The following TENM2 variants were observed in gnomAD, a reference collection of about 807,000 sequenced individuals.
The protein encoded by TENM2 is teneurin transmembrane protein 2.
TENM2 carries 52 observed loss-of-function variants against 245.2 expected under a neutral mutation model. That is an observed-to-expected ratio of 0.21 (90% CI 0.17 to 0.27). The LOEUF (loss-of-function observed/expected upper bound fraction) is 0.27, where lower values mean the gene tolerates loss of function less well. TENM2 is among the 10% of genes least tolerant of loss of function. The pLI, the probability that TENM2 is intolerant of heterozygous loss-of-function variation, is 1.00. For synonymous variants in TENM2, 1,363 were observed against 1,438.9 expected (o/e 0.95, Z 1.19); for missense variants, 3,046 against 3,666.8 (o/e 0.83, Z 4.37).
At chr5:167,577,518 T>C (rs1410199264) in intron 2 of TENM2, among the ~76,000 whole-genome samples, 1 of 152,180 alleles carries the variant, frequency 6.6e-6, no homozygotes, top group Non-Finnish European at 1.5e-5. Context: ...CTACTTCTAT[T>C]TTGTAATTAA....
intron 2 of TENM2, among the ~76,000 whole-genome samples, chr5:167,854,589 A>G (rs911651174): frequency 2.6e-5 from 4 of 152,174 alleles, no homozygotes; most frequent in Admixed American, 6.5e-5. Flanking sequence ...TGTGAACACA[A>G]CCATAATTTG....
At chr5:167,139,176 G>T in the TENM2 span, among the ~76,000 whole-genome samples, 3 of 152,168 alleles carry the variant, frequency 2.0e-5, no homozygotes, top group Admixed American at 2.0e-4. Context: ...TCTCGTCCAA[G>T]AACTGTACAC....
At chr5:168,157,032 T>C (rs1757249500) in intron 12 of TENM2, among the ~76,000 whole-genome samples, 2 of 152,148 alleles carry the variant, frequency 1.3e-5, no homozygotes, top group Admixed American at 6.5e-5. Context: ...GAAGAGCTGC[T>C]ACATGGCCTA....
chr5:168,065,699 C>T (rs73803871), intron 7 of TENM2, among the ~76,000 whole-genome samples: 1 of 150,846 alleles, frequency 6.6e-6, no homozygotes, highest in South Asian at 2.1e-4. Context: ...AAAAGTTTTA[C>T]AAACAGAGAA....
chr5:167,642,591 G>A lies in TENM2; in HGVS notation c.503-233395G>A, dbSNP rs139608799. On this transcript the variant is annotated intron_variant, in intron 2 of 28. Transcript: ENST00000518659. ...TATTGTGAGCCTTTATTACCTATACGATGTGAAGCCATTGTTTCTTATCAT... is the reference window on the plus strand; with the variant it reads ...TATTGTGAGCCTTTATTACCTATACAATGTGAAGCCATTGTTTCTTATCAT... Among the ~76,000 whole-genome samples, 1,158 of 152,100 alleles carry A rather than the reference G, an allele frequency of 7.6e-3. 17 individuals carry two copies. Among genetic ancestry groups the A allele is most frequent in the African/African-American group, 0.026 (1,092 of 41,484 alleles).
At chr5:167,849,302 T>G (rs7725644) in intron 2 of TENM2, among the ~76,000 whole-genome samples, 53,984 of 151,990 alleles carry the variant, frequency 0.36, 10,911 homozygotes, top group African/African-American at 0.56. Flanking sequence ...AAATTCCTTT[T>G]TACCATGTGC....
intron 2 of TENM2, among the ~76,000 whole-genome samples, chr5:167,874,520 A>G (rs1773254935): frequency 6.6e-6 from 1 of 152,120 alleles, no homozygotes; most frequent in South Asian, 2.1e-4. Context: ...TTGCATTGCA[A>G]CACTCACCTT....
chr5:168,198,989 G>A, exon 16 of TENM2: 3 of 1,614,014 alleles, frequency 1.9e-6, no homozygotes, highest in Non-Finnish European at 1.7e-6. Flanking sequence ...GAAGACCGAG[G>A]AGAACTCCAT....
At chr5:167,961,964 G>A (rs1561986248) in intron 4 of TENM2, among the ~76,000 whole-genome samples, 4 of 152,176 alleles carry the variant, frequency 2.6e-5, no homozygotes, top group Non-Finnish European at 4.4e-5. Context: ...AAGAACACAC[G>A]AAACACATAA....
chr5:167,008,151 G>A, the TENM2 span, among the ~76,000 whole-genome samples: 6 of 152,254 alleles, frequency 3.9e-5, no homozygotes, highest in African/African-American at 1.2e-4. Context: ...AAGACACGTA[G>A]CGTATATCAT....
chr5:167,824,734 A>G (rs1229767199), intron 2 of TENM2, among the ~76,000 whole-genome samples: 1 of 152,234 alleles, frequency 6.6e-6, no homozygotes, highest in Non-Finnish European at 1.5e-5. Context: ...CAGCCAGCTC[A>G]TAGCCGTAAG....
chr5:167,342,115 A>C (rs1163517658), intron 1 of TENM2, among the ~76,000 whole-genome samples: 2 of 152,152 alleles, frequency 1.3e-5, no homozygotes, highest in East Asian at 3.8e-4. Flanking sequence ...ATAGTAATAC[A>C]TTATTATTAA....
chr5:167,518,535 T>C (rs560194013), intron 2 of TENM2, among the ~76,000 whole-genome samples: 4 of 152,300 alleles, frequency 2.6e-5, no homozygotes, highest in Admixed American at 2.0e-4. Context: ...GTCCAGATAA[T>C]GTGCACAGGT....
At chr5:167,863,458 T>TACACAC (rs35475369) in intron 2 of TENM2, among the ~76,000 whole-genome samples, 200 of 143,338 alleles carry the variant, frequency 1.4e-3, no homozygotes, top group South Asian at 0.014. Flanking sequence ...CTACTAAAAA[T>TACACAC]ACACACACAC....
chr5:167,073,257 T>C, the TENM2 span, among the ~76,000 whole-genome samples: 1 of 152,190 alleles, frequency 6.6e-6, no homozygotes, highest in Admixed American at 6.5e-5. Flanking sequence ...TCCAGCTTTT[T>C]AATTGCCTAA....
At chr5:168,124,705 A>G (rs1003485842) in intron 10 of TENM2, 145 bp from the exon 13 acceptor site, 8 of 702,238 alleles carry the variant, frequency 1.1e-5, no homozygotes, top group Non-Finnish European at 1.9e-5. Context: ...CCACATAAGT[A>G]TTTCTTGGGC....
intron 13 of TENM2, among the ~76,000 whole-genome samples, chr5:168,185,769 C>A (rs2152499763): frequency 6.6e-6 from 1 of 151,558 alleles, no homozygotes; most frequent in Non-Finnish European, 1.5e-5. Flanking sequence ...AGCCCATAGC[C>A]TACACCAGTG....
At chr5:167,298,976 G>T (rs1232443165) in intron 1 of TENM2, among the ~76,000 whole-genome samples, 4 of 152,200 alleles carry the variant, frequency 2.6e-5, no homozygotes, top group Admixed American at 2.6e-4. Flanking sequence ...GACTGAGACT[G>T]GGGCTTAATA....
chr5:168,100,382 G>A (rs1160342601), intron 9 of TENM2, among the ~76,000 whole-genome samples: 3 of 151,998 alleles, frequency 2.0e-5, no homozygotes, highest in African/African-American at 4.8e-5. Context: ...CCCATTACTG[G>A]GTATATACCC....
Sources: gnomAD v4.1 joint callset for allele counts (sites outside exome capture counted in the v4.1 genomes callset) on GRCh38, gnomAD v4.1.1 for gene constraint, MANE v1.5 for transcripts, NCBI Gene and HGNC (gene_info 2026-07-23, HGNC 2026-07-21) for gene names.